The following ABCD3 variants were observed in gnomAD, a reference collection of about 807,000 sequenced individuals.
The protein encoded by ABCD3 is ATP-binding cassette sub-family D member 3.
In ABCD3, 41 loss-of-function variants were observed where a neutral mutation model predicts 105.5. The ratio of observed to expected loss-of-function variants is 0.39; its 90% CI spans 0.30 to 0.50. ABCD3 has a LOEUF of 0.50. Ranked by LOEUF, ABCD3 falls within the 20% of genes least tolerant of loss-of-function variation. The pLI, the probability that ABCD3 is intolerant of heterozygous loss-of-function variation, is 0.84. For synonymous variants in ABCD3, 258 were observed against 269.0 expected, an observed-to-expected ratio of 0.96 and a Z score of 0.40; for missense variants, 622 against 806.3, an observed-to-expected ratio of 0.77 and a Z score of 2.77.
At position 94,506,616 on chromosome 1, in the gene ABCD3, G is replaced by A. The variant is rs907440954; in HGVS notation, c.1819G>A (p.Gly607Ser). 3 of 1,612,686 alleles carry A rather than the reference G, an allele frequency of 1.9e-6. No homozygotes were observed. The highest frequency in any genetic ancestry group is 2.5e-6 in the Non-Finnish European group (3 of 1,179,064). The change falls in exon 21 of 23, where the codon GGC (glycine) becomes AGC (serine). Residue 607 changes from glycine to serine, a missense_variant. Physicochemically the swap from Gly to Ser is moderately conservative, Grantham distance 56. Transcript: ENST00000370214. ...AAGTGCAGTTAGTGTCGACGTGGAA[G>A]GCTACATTTATAGTCATTGTCGAAA... ...CTSAVSVDVE[G>S]YIYSHCRKVG...
chr1:94,431,098 A>T (rs1181061277), intron 1 of ABCD3, among the ~76,000 whole-genome samples: 2 of 152,228 alleles, frequency 1.3e-5, no homozygotes, highest in African/African-American at 2.4e-5. Context: ...TACTATGCAT[A>T]CTTTTATCTT....
the ABCD3 span, among the ~76,000 whole-genome samples, chr1:94,386,569 AT>A: frequency 6.6e-6 from 1 of 152,278 alleles, no homozygotes; most frequent in East Asian, 1.9e-4. Flanking sequence ...ACATAACAAT[AT>A]CACAAGTCAA....
At chr1:94,418,623 C>T (rs753814243) in intron 1 of ABCD3, 35 bp downstream of exon 1, 37 of 1,554,832 alleles carry the variant, frequency 2.4e-5, no homozygotes, top group Non-Finnish European at 3.1e-5. Context: ...CTTTCCCGGG[C>T]TGGAGCGGGC....
At chr1:94,483,705 G>C (rs1212422456) in intron 10 of ABCD3, among the ~76,000 whole-genome samples, 2 of 152,016 alleles carry the variant, frequency 1.3e-5, no homozygotes, top group African/African-American at 4.8e-5. Flanking sequence ...AGAAAACCTA[G>C]GCAATACCAT....
In ABCD3 at chr1:94,429,675, G is replaced by A. The variant is rs1050650179; in HGVS notation, c.110+11087G>A. Among the ~76,000 whole-genome samples, 8 of 152,252 alleles carry A rather than the reference G, an allele frequency of 5.3e-5. No individual in the cohort carries two copies. The South Asian group carries it at 1.7e-3, about 31-fold the overall frequency. ...GAGCCTGCGAGTGCACAGAAGTCAAGAATTGGGGTTTGGGAACCTCTGCCT... is the reference window on the plus strand; with the variant it reads ...GAGCCTGCGAGTGCACAGAAGTCAAAAATTGGGGTTTGGGAACCTCTGCCT... On this transcript the variant is annotated intron_variant, in intron 1 of 22. Coordinates refer to ENST00000370214, the MANE Select transcript of ABCD3 (RefSeq NM_002858.4).
Position 94,487,955 on chromosome 1 carries a change from G to A in ABCD3, c.1129G>A (p.Ala377Thr). ...TCAAGCTCTGGGTCGAATAGTTTTG[G>A]CTGGGCGTGAAATGACTAGATTGGC... ...MSQALGRIVLAGREMTRLAGF... is the reference protein window; with the variant it reads ...MSQALGRIVLTGREMTRLAGF... The change falls in exon 13 of 23, where the codon GCT becomes ACT. Residue 377 changes from alanine to threonine, a missense_variant. Around this residue, in one of 4 missense-constraint regions of ABCD3, gnomAD observed 285 missense variants for 352.5 expected, o/e 0.81. Transcript: ENST00000370214. 2 of 1,613,736 alleles carry A rather than the reference G, an allele frequency of 1.2e-6. No individual in the cohort carries two copies. The highest frequency in any genetic ancestry group is 1.7e-6 in the Non-Finnish European group (2 of 1,179,810).
At position 94,483,285 on chromosome 1, in the gene ABCD3, TTTTG is replaced by T. The variant is rs753907687; in HGVS notation, c.897+58_897+61del. ...TTCATGTGTTTATGGAAAGGGTTTTTTTTGTTTGTTTGTTTTGCCTATGGCCGAC... is the reference window on the plus strand; with the variant it reads ...TTCATGTGTTTATGGAAAGGGTTTTTTTTGTTTGTTTTGCCTATGGCCGAC... On this transcript the variant is annotated intron_variant, in intron 10 of 22. Transcript: ENST00000370214. 88 of 1,481,782 alleles carry T rather than the reference TTTTG, an allele frequency of 5.9e-5. 1 individual carries two copies. The highest frequency in any genetic ancestry group is 4.0e-4 in the Admixed American group (24 of 59,626). 91.8% of individuals were successfully genotyped at this position (1,481,782 alleles called of 1,614,324 possible).
intron 1 of ABCD3, among the ~76,000 whole-genome samples, chr1:94,428,081 T>G (rs1275320188): frequency 1.3e-5 from 2 of 151,944 alleles, no homozygotes; most frequent in Non-Finnish European, 2.9e-5. Flanking sequence ...TTTGTTTTTT[T>G]TTTTATTTTT....
At chr1:94,463,257 A>T in intron 2 of ABCD3, among the ~76,000 whole-genome samples, 1 of 152,154 alleles carries the variant, frequency 6.6e-6, no homozygotes, top group South Asian at 2.1e-4. Context: ...CTCCTATTGT[A>T]GTCTTTCTAG....
In ABCD3 at chr1:94,506,618, C is replaced by T; in HGVS notation, c.1821C>T (p.Gly607=). Residue 607 remains glycine (G), a synonymous_variant, in exon 21 of 23, where the codon GGC becomes GGT. Coordinates refer to ENST00000370214, the MANE Select transcript of ABCD3 (RefSeq NM_002858.4). ...CTSAVSVDVE[G]YIYSHCRKVG... is the part of the protein sequence containing the mutation. The stretch of plus-strand genomic sequence containing the variant: ...GTGCAGTTAGTGTCGACGTGGAAGG[C>T]TACATTTATAGTCATTGTCGAAAGG... 1 of 1,612,516 alleles carries T rather than the reference C, an allele frequency of 6.2e-7. No homozygotes were observed. The highest frequency in any genetic ancestry group is 8.5e-7 in the Non-Finnish European group (1 of 1,178,926).
At chr1:94,421,278 G>A (rs371716392) in intron 1 of ABCD3, among the ~76,000 whole-genome samples, 50 of 151,996 alleles carry the variant, frequency 3.3e-4, no homozygotes, top group African/African-American at 1.2e-3. Context: ...AATATTAGTT[G>A]TACATTTTTT....
intron 4 of ABCD3, among the ~76,000 whole-genome samples, chr1:94,469,491 GTTTTT>G (rs3072753): frequency 7.3e-6 from 1 of 137,286 alleles, no homozygotes; most frequent in Non-Finnish European, 1.5e-5. Flanking sequence ...GTGCACATTA[GTTTTT>G]TTTTTTTTTT....
chr1:94,420,936 C>G (rs770811216), intron 1 of ABCD3, among the ~76,000 whole-genome samples: 19 of 152,164 alleles, frequency 1.2e-4, no homozygotes, highest in Middle Eastern at 6.8e-3. Context: ...GGTAATAGAG[C>G]TAGTAAAATC....
intron 4 of ABCD3, chr1:94,472,146 G>T (rs1648486724): frequency 1.2e-6 from 1 of 833,936 alleles, no homozygotes; most frequent in African/African-American, 1.8e-5. Flanking sequence ...TTGTAAAATT[G>T]TTTTTTGTTA....
At chr1:94,470,744 T>G (rs1471454464) in intron 4 of ABCD3, among the ~76,000 whole-genome samples, 1 of 152,180 alleles carries the variant, frequency 6.6e-6, no homozygotes, top group East Asian at 1.9e-4. Flanking sequence ...GATTATCTTA[T>G]AATTTCTCTT....
In ABCD3 at chr1:94,491,209, C is replaced by A. The variant is rs1258633257; in HGVS notation, c.1348C>A (p.Pro450Thr). 8.1e-6 allele frequency: 13 copies of A among 1,612,034 alleles called. No individual in the cohort carries two copies. The highest frequency in any genetic ancestry group is 1.1e-5 in the Non-Finnish European group (13 of 1,178,770). The change falls in exon 16 of 23, where the codon CCA (proline) becomes ACA (threonine). Residue 450 changes from proline (P) to threonine (T), a missense_variant. Coordinates refer to ENST00000370214, the MANE Select transcript of ABCD3 (RefSeq NM_002858.4). ...IKFDHVPLATPNGDVLIRDLN... is the reference protein window; with the variant it reads ...IKFDHVPLATTNGDVLIRDLN... ...GTTTGATCATGTTCCTTTAGCAACG[C>A]CAAATGGAGATGTTTTGATCCGAGA...
the ABCD3 span, among the ~76,000 whole-genome samples, chr1:94,394,469 C>A: frequency 6.6e-6 from 1 of 152,222 alleles, no homozygotes; most frequent in Non-Finnish European, 1.5e-5. Flanking sequence ...CTGCAAATGA[C>A]ATCATCACCT....
intron 1 of ABCD3, among the ~76,000 whole-genome samples, chr1:94,426,169 A>G (rs188450057): frequency 3.9e-4 from 59 of 152,298 alleles, no homozygotes; most frequent in Non-Finnish European, 4.9e-4. Context: ...AAATCTCCCA[A>G]AGGAAGCCTT....
At chr1:94,455,866 C>T (rs1647528334) in intron 1 of ABCD3, 2 of 1,234,916 alleles carry the variant, frequency 1.6e-6, no homozygotes, top group South Asian at 2.8e-5. Flanking sequence ...CATGAATCTC[C>T]ATTTATCTCT....
Sources: gnomAD v4.1 joint callset for allele counts (sites outside exome capture counted in the v4.1 genomes callset) on GRCh38, gnomAD v4.1.1 for gene constraint, gnomAD v4.1.1 regional missense constraint, MANE v1.5 for transcripts, NCBI Gene and HGNC (gene_info 2026-07-23, HGNC 2026-07-21) for gene names.